Variants in OBSL1 observed in about 807,000 individuals in gnomAD.
OBSL1 encodes the protein obscurin like cytoskeletal adaptor 1, also known as obscurin-like protein 1.
A neutral mutation model predicts 172.0 loss-of-function variants in OBSL1; 160 were observed. That is an observed-to-expected ratio of 0.93 (90% confidence interval 0.82 to 1.06). OBSL1 has a LOEUF of 1.06. OBSL1 is among the 50% of genes least tolerant of loss of function. The probability of loss-of-function intolerance (pLI) is 0.00; values close to 1 mark genes in which losing one functional copy is unlikely to be tolerated. For synonymous variants in OBSL1, 1,200 were observed against 1,196.3 expected, an observed-to-expected ratio of 1.00 and a Z score of -0.06; for missense variants, 2,681 against 2,715.4, an observed-to-expected ratio of 0.99 and a Z score of 0.28.
At chr2:219,550,266 C>A (rs781406098), downstream of OBSL1, 6 of 192,590 alleles carry the variant, frequency 3.1e-5, no homozygotes, top group South Asian at 1.4e-4. Flanking sequence ...CATGTCTCCG[C>A]GGAGGGGCTA....
In OBSL1 at chr2:219,556,296, G is replaced by A. The variant is rs752004374; in HGVS notation, c.4337-4C>T. 5.1e-6 allele frequency: 8 copies of A among 1,576,448 alleles called. No homozygotes were observed. Among genetic ancestry groups the A allele is most frequent in the Non-Finnish European group, 6.9e-6 (8 of 1,158,014 alleles). ...CGTAGGAACAGCAGCTCTGTCTCTGGTGGGGAAGAAGGAGGCCATGGAGTC... is the reference window on the plus strand; with the variant it reads ...CGTAGGAACAGCAGCTCTGTCTCTGATGGGGAAGAAGGAGGCCATGGAGTC... On this transcript the variant is annotated splice_region_variant and splice_polypyrimidine_tract_variant and intron_variant, in intron 13 of 20. Coordinates refer to ENST00000404537, the MANE Select transcript of OBSL1 (RefSeq NM_015311.3).
rs975831191 is a variant in OBSL1, at chr2:219,557,977, G to A, written c.3636C>T (p.Pro1212=). 10 of 1,610,348 alleles carry A rather than the reference G, an allele frequency of 6.2e-6. No individual in the cohort carries two copies. The highest frequency in any genetic ancestry group is 5.3e-5 in the African/African-American group (4 of 74,876). ...APVVWSHNGR[P]VQEGEGLELH... ...GCTCTAGGCCCTCGCCCTCCTGCAC[G>A]GGCCTCCCATTGTGGCTCCAGACCA... is the stretch of plus-strand genomic sequence containing the variant. The change falls in exon 11 of 21, where the codon CCC becomes CCT. Residue 1212 remains proline (P), a synonymous_variant. Transcript: ENST00000404537.
chr2:219,554,246 G>A (rs1448422185), intron 15 of OBSL1: 2 of 594,206 alleles, frequency 3.4e-6, no homozygotes, highest in Non-Finnish European at 3.0e-6. Flanking sequence ...AGCAGAGTCA[G>A]TGGTTGGCTG....
rs369592785 is a variant in OBSL1 at position 219,556,091 on chromosome 2, A to G, written c.4538T>C (p.Ile1513Thr). Residue 1513 changes from isoleucine to threonine, a missense_variant, in exon 14 of 21, where the codon ATA becomes ACA. Ile to Thr is a moderately conservative substitution (Grantham distance 89). Transcript: ENST00000404537. ...GCCGTAGGTGCCCTGGTCGGCCAGTATGACACCATGGATGAAGAGGCGGTG... is the reference window on the plus strand; with the variant it reads ...GCCGTAGGTGCCCTGGTCGGCCAGTGTGACACCATGGATGAAGAGGCGGTG... ...HIHRLFIHGV[I>T]LADQGTYGCE... The G allele has an allele frequency of 3.1e-6, 5 of 1,613,930 alleles. No individual in the cohort carries two copies. The highest frequency in any genetic ancestry group is 4.5e-5 in the East Asian group (2 of 44,880).
At chr2:219,550,421 TG>T (rs956929093), downstream of OBSL1, 7 of 193,484 alleles carry the variant, frequency 3.6e-5, no homozygotes, top group East Asian at 2.7e-4. Flanking sequence ...GAGATGGGGG[TG>T]GGGGGGTGCT....
At chr2:219,554,376 G>T in intron 15 of OBSL1, 98 bp downstream of exon 15, 2 of 1,369,986 alleles carry the variant, frequency 1.5e-6, no homozygotes, top group Non-Finnish European at 2.0e-6. Context: ...AGACAGGCAT[G>T]GTCAGTGGGG....
chr2:219,567,865 G>A lies in OBSL1; in HGVS notation c.1387C>T (p.Arg463Cys), dbSNP rs750434162. The A allele has an allele frequency of 5.6e-6, 9 of 1,613,760 alleles. No individual in the cohort carries two copies. The highest frequency in any genetic ancestry group is 4.5e-5 in the East Asian group (2 of 44,890). The change falls in exon 3 of 21, where the codon CGT becomes TGT. Residue 463 changes from arginine (R) to cysteine (C), a missense_variant. Physicochemically the swap from Arg to Cys is radical, Grantham distance 180. Coordinates refer to ENST00000404537, the MANE Select transcript of OBSL1 (RefSeq NM_015311.3). ...LEAGVEGRWS[R>C]DGEELPVICQ... ...ATGACCGGCAGCTCCTCCCCATCAC[G>A]GCTCCAGCGTCCCTCGACCCCGGCC...
Position 219,557,362 on chromosome 2 carries a change from G to A in OBSL1, c.4047C>T (p.Ile1349=). The A allele has an allele frequency of 6.6e-7, 1 of 1,509,926 alleles. No homozygotes were observed. Among genetic ancestry groups the A allele is most frequent in the Non-Finnish European group, 8.9e-7 (1 of 1,123,334 alleles). 93.5% of individuals were successfully genotyped at this position (1,509,926 alleles called of 1,614,324 possible). A position where few individuals can be genotyped will look rare whatever the true frequency, so the allele number is the denominator to read the frequency against. Reference sequence around the variant, plus strand: ...TGTTACCTTCCACGCTGACAAGGAAGATGCGGCTGTCCTGGGGCGCATCGC... The same window carrying A: ...TGTTACCTTCCACGCTGACAAGGAAAATGCGGCTGTCCTGGGGCGCATCGC... ...YLCDAPQDSR[I]FLVSVEEPLL... The change falls in exon 12 of 21, where the codon ATC becomes ATT. Residue 1349 remains isoleucine, a synonymous_variant. Transcript: ENST00000404537.
intron 15 of OBSL1, among the ~76,000 whole-genome samples, chr2:219,553,938 G>A (rs1436323808): frequency 6.6e-6 from 1 of 151,790 alleles, no homozygotes; most frequent in Non-Finnish European, 1.5e-5. Context: ...CAGTGGGGGA[G>A]AAGCTGGGGG....
At position 219,556,089 on chromosome 2, in the gene OBSL1, G is replaced by C. The variant is rs778460247; in HGVS notation, c.4540C>G (p.Leu1514Val). 6.2e-7 allele frequency: 1 copy of C among 1,613,936 alleles called. No homozygotes were observed. Among genetic ancestry groups the C allele is most frequent in the Admixed American group, 1.7e-5 (1 of 60,028 alleles). Residue 1514 changes from leucine to valine, a missense_variant, in exon 14 of 21, where the codon CTG becomes GTG. Around this residue, in one of 5 missense-constraint regions of OBSL1, gnomAD observed 1,765 missense variants for 1,748.3 expected, o/e 1.01. Coordinates refer to ENST00000404537, the MANE Select transcript of OBSL1 (RefSeq NM_015311.3). ...IHRLFIHGVI[L>V]ADQGTYGCES... ...CAGCCGTAGGTGCCCTGGTCGGCCAGTATGACACCATGGATGAAGAGGCGG... is the reference window on the plus strand; with the variant it reads ...CAGCCGTAGGTGCCCTGGTCGGCCACTATGACACCATGGATGAAGAGGCGG...
Position 219,563,493 on chromosome 2 carries a change from C to T in OBSL1, c.2542G>A (p.Glu848Lys). ...TCCAGCACCACGAAGTCACTCTCCT[C>T]CACCTCCTGCCCGTCCTTGTACCAA... ...VRWYKDGQEVEESDFVVLENE... is the reference protein window; with the variant it reads ...VRWYKDGQEVKESDFVVLENE... Residue 848 changes from glutamate to lysine, a missense_variant, in exon 7 of 21, where the codon GAG becomes AAG. This residue lies in a region of OBSL1 where 1,765 missense variants were observed against 1,748.3 expected (regional missense o/e 1.01). Transcript: ENST00000404537. 1 of 1,613,992 alleles carries T rather than the reference C, an allele frequency of 6.2e-7. No homozygotes were observed. Among genetic ancestry groups the T allele is most frequent in the Admixed American group, 1.7e-5 (1 of 60,030 alleles).
intron 17 of OBSL1, 49 bp from the exon 18 acceptor site, chr2:219,552,746 C>G: frequency 6.6e-7 from 1 of 1,511,160 alleles, no homozygotes; most frequent in Non-Finnish European, 8.9e-7. Flanking sequence ...GGGCAGTTAC[C>G]GGTCACGCCC....
In OBSL1 at chr2:219,571,112, G is replaced by C; in HGVS notation, c.121C>G (p.Pro41Ala). Residue 41 changes from proline (P) to alanine (A), a missense_variant, in exon 1 of 21, where the codon CCT (proline) becomes GCT (alanine). Physicochemically the swap from Pro to Ala is conservative, Grantham distance 27. This residue lies in a region of OBSL1 where 90 missense variants were observed against 76.6 expected (regional missense o/e 1.18). Coordinates refer to ENST00000404537, the MANE Select transcript of OBSL1 (RefSeq NM_015311.3). ...LKCVVLGEPP[P>A]VVVWEKGGQQ... ...CCGCCCTTCTCCCACACCACTACAG[G>C]CGGCGGCTCCCCCAGGACCACGCAC... 1 of 1,468,746 alleles carries C rather than the reference G, an allele frequency of 6.8e-7. No homozygotes were observed. The highest frequency in any genetic ancestry group is 9.0e-7 in the Non-Finnish European group (1 of 1,115,184). 91.0% of individuals were successfully genotyped at this position (1,468,746 alleles called of 1,614,324 possible). A position where few individuals can be genotyped will look rare whatever the true frequency, so the allele number is the denominator to read the frequency against.
downstream of OBSL1, among the ~76,000 whole-genome samples, chr2:219,548,413 G>A (rs1187487710): frequency 2.6e-5 from 4 of 152,214 alleles, no homozygotes; most frequent in Non-Finnish European, 5.9e-5. Flanking sequence ...AGAGTGATAT[G>A]ACAGAGACAT....
downstream of OBSL1, chr2:219,549,780 C>T (rs199925077): frequency 6.8e-6 from 11 of 1,614,040 alleles, no homozygotes; most frequent in Admixed American, 1.7e-4. Context: ...CATGGCCTCA[C>T]CCACAGATGC....
At chr2:219,551,426 CGTTGCCACCCCAAGTTCTGGAAAGCCT>C in intron 20 of OBSL1, 76 bp downstream of exon 20, 1 of 1,412,182 alleles carries the variant, frequency 7.1e-7, no homozygotes, top group South Asian at 1.4e-5. Flanking sequence ...TCCCAGGACC[CGTTGCCACCCCAAGTTCTGGAAAGCCT>C]CCCATAGGTG....
intron 12 of OBSL1, chr2:219,556,933 AC>A: frequency 1.8e-6 from 1 of 557,702 alleles, no homozygotes; most frequent in Admixed American, 3.3e-5. Flanking sequence ...CTAGCCTAGC[AC>A]CCCACCTTGG....
rs748091069 is a variant in OBSL1 at position 219,552,205 on chromosome 2, T to C, written c.5320A>G (p.Ile1774Val). ...VRIRQEGKKHILVLSELRAED... is the reference protein window; with the variant it reads ...VRIRQEGKKHVLVLSELRAED... ...GCGCGCAGCTCGCTAAGCACCAGAA[T>C]GTGTTTCTTCCCTGGGGGTGAGGGG... Residue 1774 changes from isoleucine to valine, a missense_variant, in exon 19 of 21, where the codon ATT becomes GTT. Ile to Val is a conservative substitution (Grantham distance 29). This residue lies in a region of OBSL1 where 1,765 missense variants were observed against 1,748.3 expected (regional missense o/e 1.01). Coordinates refer to ENST00000404537, the MANE Select transcript of OBSL1 (RefSeq NM_015311.3). 6.2e-7 allele frequency: 1 copy of C among 1,605,342 alleles called. No individual in the cohort carries two copies.
At chr2:219,549,259 G>A (rs149471088), downstream of OBSL1, 1,480 of 1,613,978 alleles carry the variant, frequency 9.2e-4, 1 homozygote, top group Middle Eastern at 1.6e-3. Flanking sequence ...TCCCCTCAGA[G>A]GTCCCCGGGC....
Sources: gnomAD v4.1 joint callset for allele counts (sites outside exome capture counted in the v4.1 genomes callset) on GRCh38, gnomAD v4.1.1 for gene constraint, gnomAD v4.1.1 regional missense constraint, MANE v1.5 for transcripts, NCBI Gene and HGNC (gene_info 2026-07-23, HGNC 2026-07-21) for gene names.